The following SLC4A4 variants were observed in gnomAD, a reference collection of about 807,000 sequenced individuals.
SLC4A4 encodes solute carrier family 4 member 4.
Under a neutral mutation model 111.5 loss-of-function variants are expected in SLC4A4, and 27 were observed. The ratio of observed to expected loss-of-function variants is 0.24; its 90% confidence interval spans 0.18 to 0.33. The LOEUF (loss-of-function observed/expected upper bound fraction) is 0.33. Among genes scored for constraint, SLC4A4 ranks in the 10% least tolerant of loss-of-function variants. SLC4A4 has a pLI of 1.00. For synonymous variants in SLC4A4, 443 were observed against 463.4 expected (o/e 0.96, Z 0.57); for missense variants, 909 against 1,315.5 (o/e 0.69, Z 4.78).
At chr4:71,555,019 G>A (rs1736350716) in intron 20 of SLC4A4, 121 bp from the exon 21 acceptor site, 2 of 755,566 alleles carry the variant, frequency 2.6e-6, no homozygotes, top group African/African-American at 1.7e-5. Context: ...CTAGTTAGAG[G>A]TCACTAAGTT....
chr4:71,116,625 G>A (rs917195429), intron 2 of SLC4A4, among the ~76,000 whole-genome samples: 32 of 152,324 alleles, frequency 2.1e-4, no homozygotes, highest in African/African-American at 7.7e-4. Flanking sequence ...GGGTTAATGT[G>A]AGGAAGGTGT....
chr4:71,176,383 G>C (rs1305673887), intron 2 of SLC4A4, among the ~76,000 whole-genome samples: 1 of 152,146 alleles, frequency 6.6e-6, no homozygotes, highest in Non-Finnish European at 1.5e-5. Flanking sequence ...ACTACTCCGA[G>C]CTAAAGGAGG....
chr4:71,555,453 G>A (rs1736389106), intron 21 of SLC4A4, among the ~76,000 whole-genome samples: 1 of 151,826 alleles, frequency 6.6e-6, no homozygotes, highest in Non-Finnish European at 1.5e-5. Flanking sequence ...ATTTAACCAA[G>A]AAAGCAAGAG....
At chr4:71,503,939 T>A (rs1731165437) in intron 16 of SLC4A4, among the ~76,000 whole-genome samples, 1 of 152,182 alleles carries the variant, frequency 6.6e-6, no homozygotes, top group Admixed American at 6.6e-5. Context: ...TGGTATTGGC[T>A]AACAGTTGGT....
chr4:71,091,378 G>A lies in SLC4A4; in HGVS notation c.-64-1352G>A, dbSNP rs1053703606. 3.3e-5 allele frequency among the ~76,000 whole-genome samples: 5 copies of A among 151,324 alleles called. No homozygotes were observed. In the South Asian group the frequency reaches 6.3e-4, roughly 19 times the overall value. On this transcript the variant is annotated intron_variant, in intron 1 of 26. Transcript: ENST00000649996. ...CGCCATTCTCCTGCCTCAACCTCCC[G>A]AGTAGCTGGGACTACAGGCACCCGC...
intron 5 of SLC4A4, among the ~76,000 whole-genome samples, chr4:71,352,811 T>G (rs1478745746): frequency 1.1e-4 from 16 of 152,144 alleles, no homozygotes; most frequent in Non-Finnish European, 2.2e-4. Context: ...AGAGAGACAC[T>G]CAGTGACTTC....
At chr4:71,165,075 A>G (rs1348259392) in intron 2 of SLC4A4, among the ~76,000 whole-genome samples, 1 of 152,222 alleles carries the variant, frequency 6.6e-6, no homozygotes, top group Non-Finnish European at 1.5e-5. Context: ...GAGGATGTGG[A>G]GAAATAGGAA....
intron 2 of SLC4A4, among the ~76,000 whole-genome samples, chr4:71,152,433 G>A (rs1744333863): frequency 6.6e-6 from 1 of 152,086 alleles, no homozygotes; most frequent in Non-Finnish European, 1.5e-5. Context: ...GTTATTCTAT[G>A]AGACTTAGTT....
At chr4:71,516,262 A>AC in intron 16 of SLC4A4, among the ~76,000 whole-genome samples, 1 of 150,080 alleles carries the variant, frequency 6.7e-6, no homozygotes. Flanking sequence ...CGCCCGGCTA[A>AC]TTTTTTTTGT....
intron 1 of SLC4A4, among the ~76,000 whole-genome samples, chr4:71,228,690 A>C (rs1474310972): frequency 2.0e-5 from 3 of 152,244 alleles, no homozygotes. Context: ...AGGGGAAATT[A>C]AAAAACAGAG....
intron 1 of SLC4A4, among the ~76,000 whole-genome samples, chr4:71,210,878 T>A (rs964157607): frequency 6.6e-6 from 1 of 152,216 alleles, no homozygotes; most frequent in South Asian, 2.1e-4. Context: ...TAAGAAGTTG[T>A]CCAGGAGAGC....
chr4:71,132,307 G>A lies in SLC4A4; in HGVS notation c.-2+39515G>A, dbSNP rs139999339. Among the ~76,000 whole-genome samples, 56 of 152,146 alleles carry A rather than the reference G, an allele frequency of 3.7e-4. No homozygotes were observed. The East Asian group carries it at 9.7e-3, about 26-fold the overall frequency. ...ACCCCTTCTCCAGACACATGTTGAC[G>A]GGGGCTCTAAAATGTATATCAGCTA... is the stretch of plus-strand genomic sequence containing the variant. On this transcript the variant is annotated intron_variant, in intron 2 of 26. Coordinates refer to the SLC4A4 transcript ENST00000649996.
intron 15 of SLC4A4, among the ~76,000 whole-genome samples, chr4:71,491,239 A>G (rs183964402): frequency 2.0e-5 from 3 of 152,004 alleles, no homozygotes; most frequent in African/African-American, 7.2e-5. Flanking sequence ...GTGGGGGAAA[A>G]AACTCTAAAT....
intron 1 of SLC4A4, chr4:71,236,188 A>G (rs1719790924): frequency 3.8e-6 from 4 of 1,057,812 alleles, no homozygotes; most frequent in Admixed American, 5.0e-5. Context: ...ATTTCCACAA[A>G]CGATCATCAC....
At chr4:71,376,414 A>G (rs1732398858) in intron 6 of SLC4A4, among the ~76,000 whole-genome samples, 2 of 150,676 alleles carry the variant, frequency 1.3e-5, no homozygotes, top group African/African-American at 4.9e-5. Flanking sequence ...TGTGTTAGCC[A>G]GGATGGTCTT....
At chr4:71,497,938 C>T (rs1730562857) in intron 16 of SLC4A4, among the ~76,000 whole-genome samples, 1 of 151,720 alleles carries the variant, frequency 6.6e-6, no homozygotes, top group Admixed American at 6.6e-5. Flanking sequence ...TCTGAATGTG[C>T]TGAAAGGAAA....
chr4:71,509,900 G>A (rs1560573611), intron 16 of SLC4A4, among the ~76,000 whole-genome samples: 3 of 152,142 alleles, frequency 2.0e-5, no homozygotes, highest in Admixed American at 1.3e-4. Context: ...GTGAAATGAG[G>A]GTGAGGCCTC....
At chr4:71,409,064 G>T (rs1721126083) in intron 7 of SLC4A4, among the ~76,000 whole-genome samples, 1 of 152,160 alleles carries the variant, frequency 6.6e-6, no homozygotes, top group Non-Finnish European at 1.5e-5. Flanking sequence ...CTCCCTCCAT[G>T]ATTCTGGGCC....
intron 6 of SLC4A4, among the ~76,000 whole-genome samples, chr4:71,395,306 A>G (rs1394421264): frequency 6.6e-6 from 1 of 152,188 alleles, no homozygotes; most frequent in Non-Finnish European, 1.5e-5. Context: ...CTTAGTTACT[A>G]GAAGTGTTGA....
Sources: allele counts gnomAD v4.1 joint callset (sites outside exome capture counted in the v4.1 genomes callset), GRCh38; gene constraint gnomAD v4.1.1; transcripts MANE v1.5; gene names NCBI Gene and HGNC (gene_info 2026-07-23, HGNC 2026-07-21).